AKAP12: variants seen among roughly 807,000 people sequenced by gnomAD.
The protein encoded by AKAP12 is A-kinase anchor protein 12.
In AKAP12, 32 loss-of-function variants were observed where a neutral mutation model predicts 79.9. The observed-to-expected ratio is 0.40, with a 90% confidence interval of 0.30 to 0.54. The LOEUF (loss-of-function observed/expected upper bound fraction) is 0.54. Among genes scored for constraint, AKAP12 ranks in the 20% least tolerant of loss-of-function variants. The pLI, the probability that AKAP12 is intolerant of heterozygous loss-of-function variation, is 0.48. For missense variants in AKAP12, 2,074 were observed against 2,177.0 expected (o/e 0.95, Z 0.94); for synonymous variants, 808 against 857.0 (o/e 0.94, Z 1.00).
intron 2 of AKAP12, among the ~76,000 whole-genome samples, chr6:151,245,094 T>C (rs180816641): frequency 5.3e-4 from 80 of 152,336 alleles, no homozygotes; most frequent in African/African-American, 1.3e-3. Flanking sequence ...AATAAAATGT[T>C]TTGTTTTTAA....
At position 151,351,190 on chromosome 6, in the gene AKAP12, T is replaced by A. The variant is rs570805675; in HGVS notation, c.2799T>A (p.Thr933=). The change falls in exon 4 of 5, where the codon ACT becomes ACA. Residue 933 remains threonine, a synonymous_variant. Coordinates refer to ENST00000402676, the MANE Select transcript of AKAP12 (RefSeq NM_005100.4). The surrounding 1 kb of genome is among the most constrained non-coding windows in gnomAD (Gnocchi z 4.4). The part of the protein sequence containing the change: ...EQVEAEAALL[T]EEVLEREVIA... ...TAGAAGCTGAAGCCGCACTGTTAAC[T>A]GAGGAGGTATTGGAAAGAGAAGTAA... The A allele has an allele frequency of 1.9e-6, 3 of 1,614,160 alleles. No homozygotes were observed. The East Asian group carries it at 6.7e-5, about 36-fold the overall frequency.
At chr6:151,298,628 T>C (rs1048599233) in intron 2 of AKAP12, among the ~76,000 whole-genome samples, 1 of 151,970 alleles carries the variant, frequency 6.6e-6, no homozygotes, top group Non-Finnish European at 1.5e-5. Flanking sequence ...ACCCCGTCTC[T>C]ACTAAAAATA....
In AKAP12 at chr6:151,351,603, G is replaced by C. The variant is rs368594828; in HGVS notation, c.3212G>C (p.Arg1071Thr). The change falls in exon 4 of 5, where the codon AGA becomes ACA. Residue 1071 changes from arginine (R) to threonine (T), a missense_variant. Arg to Thr is a moderately conservative substitution (Grantham distance 71). Around this residue, in one of 3 missense-constraint regions of AKAP12, gnomAD observed 1,428 missense variants for 1,451.0 expected, o/e 0.98. Coordinates refer to ENST00000402676, the MANE Select transcript of AKAP12 (RefSeq NM_005100.4). This position sits in a 1 kb window ranked among gnomAD's most constrained non-coding sequence, Gnocchi z 4.4. ...GAAGATGTGCTTCAGCCTGTGCAGA[G>C]AGCAGAGGCAGAAAGACCAGAAGAG... ...GPEDVLQPVQ[R>T]AEAERPEEQA... 3.1e-6 allele frequency: 5 copies of C among 1,614,034 alleles called. No homozygotes were observed. The highest frequency in any genetic ancestry group is 4.2e-6 in the Non-Finnish European group (5 of 1,180,052).
chr6:151,252,204 T>C (rs1449333655), intron 2 of AKAP12, among the ~76,000 whole-genome samples: 7 of 151,310 alleles, frequency 4.6e-5, no homozygotes, highest in Middle Eastern at 3.4e-3. Context: ...TCTTTCTTTT[T>C]TTTTTTTTTT....
intron 3 of AKAP12, among the ~76,000 whole-genome samples, chr6:151,312,818 T>C (rs947449879): frequency 4.6e-5 from 5 of 108,988 alleles, no homozygotes; most frequent in Admixed American, 1.8e-4. Flanking sequence ...AAAAGAATCA[T>C]GAGGGCAGAG....
At chr6:151,270,767 C>T (rs1158916523) in intron 2 of AKAP12, among the ~76,000 whole-genome samples, 1 of 151,986 alleles carries the variant, frequency 6.6e-6, no homozygotes, top group African/African-American at 2.4e-5. Flanking sequence ...GTGCATTTCC[C>T]TGATAGCTAA....
chr6:151,278,282 C>A (rs1274946667), intron 2 of AKAP12, among the ~76,000 whole-genome samples: 2 of 152,296 alleles, frequency 1.3e-5, no homozygotes, highest in South Asian at 2.1e-4. Flanking sequence ...GTGGTGCGAT[C>A]TCGGCTCACT....
chr6:151,338,816 C>T (rs528893835), intron 3 of AKAP12, among the ~76,000 whole-genome samples: 2 of 152,310 alleles, frequency 1.3e-5, no homozygotes, highest in African/African-American at 2.4e-5. Flanking sequence ...GGGTATTGCA[C>T]GCGGTGTCCA....
chr6:151,349,712 T>C lies in AKAP12; in HGVS notation c.1321T>C (p.Ser441Pro). 1 of 1,613,812 alleles carries C rather than the reference T, an allele frequency of 6.2e-7. No homozygotes were observed. The highest frequency in any genetic ancestry group is 1.1e-5 in the South Asian group (1 of 91,062). The part of the protein sequence containing the change: ...QKTEVEETAG[S>P]VPAEELVEMD... ...AACGGAGGTGGAAGAAACAGCAGGG[T>C]CTGTGCCAGCTGAAGAATTGGTTGA... The change falls in exon 4 of 5, where the codon TCT becomes CCT. Residue 441 changes from serine to proline, a missense_variant. Transcript: ENST00000402676.
chr6:151,252,752 AAAG>A (rs1165985443), intron 2 of AKAP12, among the ~76,000 whole-genome samples: 20 of 151,834 alleles, frequency 1.3e-4, no homozygotes, highest in Admixed American at 8.5e-4. Context: ...AAAAAAAAAA[AAAG>A]ATGAGAAAAC....
intron 3 of AKAP12, among the ~76,000 whole-genome samples, chr6:151,308,455 C>T (rs1007010625): frequency 3.3e-5 from 5 of 152,044 alleles, no homozygotes; most frequent in Admixed American, 2.6e-4. Context: ...TCAAGTGATC[C>T]GCCCGCCTCA....
At chr6:151,348,411 G>C in intron 3 of AKAP12, 1 of 522,278 alleles carries the variant, frequency 1.9e-6, no homozygotes, top group Non-Finnish European at 3.7e-6. Context: ...AGCTGAGACA[G>C]GAGGGTCACT....
intron 3 of AKAP12, among the ~76,000 whole-genome samples, chr6:151,347,380 C>G (rs758818217): frequency 1.3e-5 from 2 of 152,124 alleles, no homozygotes; most frequent in Non-Finnish European, 2.9e-5. Context: ...GCTTGTTCCT[C>G]AAACCCTATA....
intron 3 of AKAP12, among the ~76,000 whole-genome samples, chr6:151,347,076 G>A (rs1333600103): frequency 6.6e-6 from 1 of 152,144 alleles, no homozygotes; most frequent in African/African-American, 2.4e-5. Context: ...CATTGCACAT[G>A]AACACCCAAT....
intron 2 of AKAP12, among the ~76,000 whole-genome samples, chr6:151,243,086 A>G (rs1215883656): frequency 6.6e-6 from 1 of 152,202 alleles, no homozygotes; most frequent in African/African-American, 2.4e-5. Context: ...GGGGCTTTGG[A>G]TTCTGTTTCT....
chr6:151,333,533 C>T (rs1255809714), intron 3 of AKAP12, among the ~76,000 whole-genome samples: 2 of 151,592 alleles, frequency 1.3e-5, no homozygotes, highest in East Asian at 3.9e-4. Flanking sequence ...AGCGGATCAC[C>T]TGAGGTCAGG....
At chr6:151,300,184 C>T (rs892773611) in intron 2 of AKAP12, among the ~76,000 whole-genome samples, 11 of 152,146 alleles carry the variant, frequency 7.2e-5, no homozygotes, top group Non-Finnish European at 1.3e-4. Context: ...CAAGTTTTGT[C>T]GTGGGATTTA....
intron 3 of AKAP12, among the ~76,000 whole-genome samples, chr6:151,327,386 T>C (rs911001527): frequency 3.3e-5 from 5 of 152,182 alleles, no homozygotes; most frequent in Non-Finnish European, 4.4e-5. Context: ...ATAAATAGAC[T>C]GTACAAAATG....
At position 151,350,512 on chromosome 6, in the gene AKAP12, G is replaced by A. The variant is rs763232024; in HGVS notation, c.2121G>A (p.Met707Ile). ...ATGAGGAAGGGGGACCAAAAGCAAT[G>A]GGAGGAGACCACCAGAAAGCTGATG... ...SSDEEGGPKA[M>I]GGDHQKADEA... Residue 707 changes from methionine to isoleucine, a missense_variant, in exon 4 of 5, where the codon ATG becomes ATA. Physicochemically the swap from Met to Ile is conservative, Grantham distance 10. This residue lies in a region of AKAP12 where 1,428 missense variants were observed against 1,451.0 expected (regional missense o/e 0.98). Coordinates refer to ENST00000402676, the MANE Select transcript of AKAP12 (RefSeq NM_005100.4). The surrounding 1 kb of genome is among the most constrained non-coding windows in gnomAD (Gnocchi z 4.8). 3 of 1,614,118 alleles carry A rather than the reference G, an allele frequency of 1.9e-6. No individual in the cohort carries two copies. The highest frequency in any genetic ancestry group is 2.2e-5 in the South Asian group (2 of 91,068).
Sources: allele counts gnomAD v4.1 joint callset (sites outside exome capture counted in the v4.1 genomes callset), GRCh38; gene constraint gnomAD v4.1.1; regional missense constraint gnomAD v4.1.1; non-coding constraint Gnocchi (gnomAD v3.1); transcripts MANE v1.5; gene names NCBI Gene and HGNC (gene_info 2026-07-23, HGNC 2026-07-21).